ABCC6: variants seen among roughly 807,000 people sequenced by gnomAD.
The protein encoded by ABCC6 is ATP-binding cassette sub-family C member 6.
ABCC6 carries 126 observed loss-of-function variants against 169.5 expected under a neutral mutation model. That is an observed-to-expected ratio of 0.74 (90% CI 0.64 to 0.86). ABCC6 has a LOEUF of 0.86. Ranked by LOEUF, ABCC6 falls within the 40% of genes least tolerant of loss-of-function variation. The pLI, the probability that ABCC6 is intolerant of heterozygous loss-of-function variation, is 0.00. For synonymous variants in ABCC6, 752 were observed against 814.7 expected, an observed-to-expected ratio of 0.92 and a Z score of 1.31; for missense variants, 1,733 against 1,927.2, an observed-to-expected ratio of 0.90 and a Z score of 1.89.
At chr16:16,196,062 TA>T (rs1263147708) in intron 10 of ABCC6, among the ~76,000 whole-genome samples, 3 of 151,894 alleles carry the variant, frequency 2.0e-5, no homozygotes, top group Non-Finnish European at 4.4e-5. Context: ...ATACAAAAAT[TA>T]GCCAGATGTT....
chr16:16,183,487 C>T (rs2047547802), intron 15 of ABCC6, among the ~76,000 whole-genome samples: 1 of 152,140 alleles, frequency 6.6e-6, no homozygotes, highest in Non-Finnish European at 1.5e-5. Flanking sequence ...GTGACACTTC[C>T]CAGCTAAACC....
In ABCC6 at chr16:16,219,751, C is replaced by G. The variant is rs1235203065; in HGVS notation, c.346-69G>C. 3 of 839,866 alleles carry G rather than the reference C, an allele frequency of 3.6e-6. No individual in the cohort carries two copies. In the African/African-American group the frequency reaches 5.2e-5, roughly 14 times the overall value. The allele number at this position is 839,866 out of a possible 1,614,324, so 52.0% of individuals were successfully genotyped here. ...GCTGAGGGGAGCCTCTTCTCTTCCC[C>G]TTGTTCTCCACTGTGGCAGGCAAAG... On this transcript the variant is annotated intron_variant, in intron 3 of 30. Coordinates refer to ENST00000205557, the MANE Select transcript of ABCC6 (RefSeq NM_001171.6).
intron 19 of ABCC6, among the ~76,000 whole-genome samples, chr16:16,177,047 C>T (rs212623): frequency 0.076 from 11,536 of 152,166 alleles, 516 homozygotes; most frequent in East Asian, 0.24. Flanking sequence ...CATCAAAGTC[C>T]TTCTTGGGCT....
At chr16:16,221,356 A>C in intron 2 of ABCC6, 3 of 1,422,056 alleles carry the variant, frequency 2.1e-6, no homozygotes, top group Non-Finnish European at 2.8e-6. Flanking sequence ...AAGAGTCTAC[A>C]TGGTATGTTT....
At chr16:16,209,562 T>A (rs548679026) in intron 6 of ABCC6, among the ~76,000 whole-genome samples, 1 of 151,670 alleles carries the variant, frequency 6.6e-6, no homozygotes, top group African/African-American at 2.4e-5. Flanking sequence ...AAACTATCAT[T>A]GTAGAAGAAG....
intron 6 of ABCC6, among the ~76,000 whole-genome samples, chr16:16,209,374 A>G: frequency 6.6e-6 from 1 of 152,108 alleles, no homozygotes; most frequent in East Asian, 1.9e-4. Flanking sequence ...ATGAGCCACC[A>G]CACCCAGCCT....
At chr16:16,197,987 T>C in intron 10 of ABCC6, 34 bp downstream of exon 10, 2 of 1,604,764 alleles carry the variant, frequency 1.2e-6, no homozygotes, top group Middle Eastern at 1.7e-4. Context: ...GGTGGGGGAC[T>C]CCGTTCAAAT....
intron 11 of ABCC6, 39 bp downstream of exon 11, chr16:16,192,791 T>A: frequency 6.3e-7 from 1 of 1,576,176 alleles, no homozygotes; most frequent in Non-Finnish European, 8.7e-7. Context: ...GCTTCCTCCC[T>A]ACTTCCTGCC....
intron 7 of ABCC6, among the ~76,000 whole-genome samples, chr16:16,205,128 G>A (rs1299967656): frequency 6.6e-6 from 1 of 152,116 alleles, no homozygotes; most frequent in East Asian, 1.9e-4. Context: ...GAGCCACCAT[G>A]CCCGGCCACT....
At position 16,159,624 on chromosome 16, in the gene ABCC6, A is replaced by C. The variant is rs770552031; in HGVS notation, c.3634-41T>G. 11 of 1,586,394 alleles carry C rather than the reference A, an allele frequency of 6.9e-6. No individual in the cohort carries two copies. The African/African-American group carries it at 9.4e-5, about 14-fold the overall frequency. On this transcript the variant is annotated intron_variant, in intron 25 of 30. Coordinates refer to ENST00000205557, the MANE Select transcript of ABCC6 (RefSeq NM_001171.6). ...CTCTCTGGCTGGGTTTGGCAAGGCC[A>C]CTTGAGGGCTTGCAACAGCCCCCCT...
At chr16:16,204,780 C>A (rs2048340914) in intron 7 of ABCC6, among the ~76,000 whole-genome samples, 1 of 151,922 alleles carries the variant, frequency 6.6e-6, no homozygotes, top group Admixed American at 6.6e-5. Context: ...CCTGCTGAGT[C>A]CCCTGTGGCT....
chr16:16,150,971 G>A (rs1284157013), intron 29 of ABCC6, among the ~76,000 whole-genome samples, 199 bp from the exon 30 acceptor site: 1 of 152,198 alleles, frequency 6.6e-6, no homozygotes, highest in Non-Finnish European at 1.5e-5. Context: ...CAGGCTGACT[G>A]TAGGCAGGTC....
chr16:16,193,899 A>G (rs1203416657), intron 10 of ABCC6, among the ~76,000 whole-genome samples: 1 of 152,226 alleles, frequency 6.6e-6, no homozygotes, highest in African/African-American at 2.4e-5. Context: ...TGATAAGGGC[A>G]GCCACCAGGT....
intron 4 of ABCC6, among the ~76,000 whole-genome samples, chr16:16,219,310 C>G (rs1384492514): frequency 5.3e-5 from 8 of 151,904 alleles, no homozygotes; most frequent in Non-Finnish European, 1.2e-4. Context: ...GTGTGTGCAT[C>G]GTGTGCAAGT....
chr16:16,152,635 C>T (rs541320352), intron 29 of ABCC6, among the ~76,000 whole-genome samples: 1 of 149,892 alleles, frequency 6.7e-6, no homozygotes, highest in South Asian at 2.1e-4. Context: ...TAGGTAGGTG[C>T]TATTATTCCC....
At chr16:16,187,907 TTAAATAAATAAA>T (rs200447479) in intron 13 of ABCC6, among the ~76,000 whole-genome samples, 174 of 86,300 alleles carry the variant, frequency 2.0e-3, no homozygotes, top group South Asian at 9.6e-3. Flanking sequence ...AATAAATAAA[TTAAATAAATAAA>T]TAAATAAATA....
rs753215042 is a variant in ABCC6, at chr16:16,202,060, T to C, written c.1117A>G (p.Arg373Gly). Reference sequence around the variant, plus strand: ...AACCTCATCTGCAGCACCTTGAGCCTGTACATGTTCTGCTGCTCAAACAGC... The same window carrying C: ...AACCTCATCTGCAGCACCTTGAGCCCGTACATGTTCTGCTGCTCAAACAGC... ...QTLFEQQNMYRLKVLQMRLRS... is the reference protein window; with the variant it reads ...QTLFEQQNMYGLKVLQMRLRS... Residue 373 changes from arginine (R) to glycine (G), a missense_variant, in exon 9 of 31, where the codon AGG (arginine) becomes GGG (glycine). Around this residue, in one of 5 missense-constraint regions of ABCC6, gnomAD observed 1,601 missense variants for 1,635.5 expected, o/e 0.98. Transcript: ENST00000205557. The C allele has an allele frequency of 1.2e-6, 2 of 1,613,888 alleles. No individual in the cohort carries two copies. Among genetic ancestry groups the C allele is most frequent in the Admixed American group, 3.3e-5 (2 of 59,996 alleles).
intron 21 of ABCC6, among the ~76,000 whole-genome samples, chr16:16,171,541 G>A (rs2047065861): frequency 1.3e-5 from 2 of 152,144 alleles, no homozygotes; most frequent in South Asian, 4.1e-4. Flanking sequence ...TGGATGAGAG[G>A]GTAGGTGGGT....
chr16:16,154,997 G>A lies in ABCC6; in HGVS notation c.3917C>T (p.Ser1306Phe), dbSNP rs1471042293. 3 of 1,567,330 alleles carry A rather than the reference G, an allele frequency of 1.9e-6. No individual in the cohort carries two copies. In the East Asian group the frequency reaches 7.1e-5, roughly 37 times the overall value. Reference protein sequence around the residue: ...GIVGRTGAGKSSLASGLLRLQ... With the variant: ...GIVGRTGAGKFSLASGLLRLQ... The stretch of plus-strand genomic sequence containing the variant: ...CCGCAGCAGCCCACTGGCCAGGGAG[G>A]ACTTCCCTGCCCCGGTCCTGCCAAC... The change falls in exon 28 of 31, where the codon TCC becomes TTC. Residue 1306 changes from serine to phenylalanine, a missense_variant. Ser to Phe is a radical substitution (Grantham distance 155). Coordinates refer to ENST00000205557, the MANE Select transcript of ABCC6 (RefSeq NM_001171.6).
Sources: allele counts gnomAD v4.1 joint callset (sites outside exome capture counted in the v4.1 genomes callset), GRCh38; gene constraint gnomAD v4.1.1; regional missense constraint gnomAD v4.1.1; transcripts MANE v1.5; gene names NCBI Gene and HGNC (gene_info 2026-07-23, HGNC 2026-07-21).